Variants in SIRPA observed in about 807,000 individuals in gnomAD.
SIRPA encodes the protein tyrosine-protein phosphatase non-receptor type substrate 1.
A neutral mutation model predicts 50.3 loss-of-function variants in SIRPA; 9 were observed. The ratio of observed to expected loss-of-function variants is 0.18; its 90% CI spans 0.11 to 0.31. The LOEUF is 0.31. Ranked by LOEUF, SIRPA falls within the 10% of genes least tolerant of loss-of-function variation. SIRPA has a pLI of 1.00. For missense variants in SIRPA, 474 were observed against 661.6 expected (o/e 0.72, Z 3.11); for synonymous variants, 265 against 284.1 (o/e 0.93, Z 0.68).
At chr20:1,905,330 T>C (rs895249596) in intron 1 of SIRPA, among the ~76,000 whole-genome samples, 5 of 152,106 alleles carry the variant, frequency 3.3e-5, no homozygotes, top group Admixed American at 6.5e-5. Context: ...GGCGATCGCA[T>C]GGGGTGGCTC....
At chr20:1,905,939 G>A (rs1984518937) in intron 1 of SIRPA, among the ~76,000 whole-genome samples, 2 of 152,174 alleles carry the variant, frequency 1.3e-5, no homozygotes, top group African/African-American at 4.8e-5. Context: ...ATGCCAGAGG[G>A]GCCTCATGCA....
rs1986743358 is a variant in SIRPA at position 1,938,916 on chromosome 20, GC to G, written c.*1353del. 6.5e-6 allele frequency: 1 copy of G among 152,680 alleles called. No homozygotes were observed. The highest frequency in any genetic ancestry group is 6.5e-5 in the Admixed American group (1 of 15,290). The allele number at this position is 152,680 out of a possible 1,614,324, so 9.5% of individuals were successfully genotyped here. A position where few individuals can be genotyped will look rare whatever the true frequency, so the allele number is the denominator to read the frequency against. On this transcript the variant is annotated 3_prime_UTR_variant, in exon 8 of 8. Transcript: ENST00000358771. Reference sequence around the variant, plus strand: ...CGTCTATCCTACCCCTTTAGTGACCGCCCCCATCCCGGCTTTCTGAGCTGAT... The same window carrying G: ...CGTCTATCCTACCCCTTTAGTGACCGCCCCATCCCGGCTTTCTGAGCTGAT...
At position 1,921,659 on chromosome 20, in the gene SIRPA, C is replaced by T. The variant is rs748980816; in HGVS notation, c.701C>T (p.Thr234Ile). The change falls in exon 3 of 8, where the codon ACC (threonine) becomes ATC (isoleucine). Residue 234 changes from threonine (T) to isoleucine (I), a missense_variant. By Grantham distance (89) the Thr-to-Ile change is moderately conservative. This residue lies in a region of SIRPA where 221 missense variants were observed against 359.9 expected (regional missense o/e 0.61). Coordinates refer to ENST00000358771, the MANE Select transcript of SIRPA (RefSeq NM_001040023.2). ...GTCATCTGCGAGGTGGCCCACGTCA[C>T]CTTGCAGGGGGACCCTCTTCGTGGG... ...SQVICEVAHV[T>I]LQGDPLRGTA... is the part of the protein sequence containing the mutation. 7 of 1,614,068 alleles carry T rather than the reference C, an allele frequency of 4.3e-6. No individual in the cohort carries two copies. The highest frequency in any genetic ancestry group is 1.7e-6 in the Non-Finnish European group (2 of 1,180,028).
At chr20:1,914,107 T>A (rs1480292339) in intron 1 of SIRPA, among the ~76,000 whole-genome samples, 2 of 152,218 alleles carry the variant, frequency 1.3e-5, no homozygotes, top group Non-Finnish European at 2.9e-5. Flanking sequence ...CACAGCCACC[T>A]CCTTGTTTAT....
chr20:1,929,269 T>C (rs1365260796), intron 6 of SIRPA, among the ~76,000 whole-genome samples: 2 of 152,050 alleles, frequency 1.3e-5, no homozygotes, highest in Non-Finnish European at 2.9e-5. Flanking sequence ...GATGTGTAGG[T>C]GACCATAGCG....
chr20:1,894,528 G>A (rs1472630323), upstream of SIRPA: 1 of 151,938 alleles, frequency 6.6e-6, no homozygotes, highest in African/African-American at 2.4e-5. This position sits in a 1 kb window ranked among gnomAD's most constrained non-coding sequence, Gnocchi z 4.0. Flanking sequence ...GTCCGGGCCC[G>A]GCAGGGACGG....
rs550759178 is a variant in SIRPA at position 1,900,712 on chromosome 20, G to C, written c.79+5186G>C. Among the ~76,000 whole-genome samples, 116 of 152,366 alleles carry C rather than the reference G, an allele frequency of 7.6e-4. 1 individual carries two copies. Among genetic ancestry groups the C allele is most frequent in the African/African-American group, 2.7e-3 (114 of 41,584 alleles). ...CAAGCCTCCTGTGGTCCAGGCCAAG[G>C]CTTTTAAAAACTGGGCTGTGCTGGA... On this transcript the variant is annotated intron_variant, in intron 1 of 7. Transcript: ENST00000358771.
At chr20:1,908,012 C>T (rs2123038602) in intron 1 of SIRPA, among the ~76,000 whole-genome samples, 1 of 152,294 alleles carries the variant, frequency 6.6e-6, no homozygotes, top group Middle Eastern at 3.4e-3. Context: ...TGCCCTGTGG[C>T]CAGCACATAG....
chr20:1,902,495 A>G (rs76009177), intron 1 of SIRPA, among the ~76,000 whole-genome samples: 1,589 of 152,314 alleles, frequency 0.01, 28 homozygotes, highest in African/African-American at 0.036. Context: ...TTGAGCACCT[A>G]CTATGTGCCA....
chr20:1,895,566 C>T, intron 1 of SIRPA, 40 bp downstream of exon 1: 1 of 1,370,688 alleles, frequency 7.3e-7, no homozygotes. Flanking sequence ...ACTCCCCAAA[C>T]TGCGGGCTCA....
chr20:1,937,110 C>T lies in SIRPA; in HGVS notation c.1267-210C>T, dbSNP rs1986618795. Among the ~76,000 whole-genome samples, 1 of 147,424 alleles carries T rather than the reference C, an allele frequency of 6.8e-6. No homozygotes were observed. The highest frequency in any genetic ancestry group is 6.6e-5 in the Admixed American group (1 of 15,060). Reference sequence around the variant, plus strand: ...CACTGTGCGGGTCAGAAAGACCCTTCAGGCAGGGTGAGGAGGAGGGCAGAT... The same window carrying T: ...CACTGTGCGGGTCAGAAAGACCCTTTAGGCAGGGTGAGGAGGAGGGCAGAT... On this transcript the variant is annotated intron_variant, in intron 7 of 7. Transcript: ENST00000358771. This position sits in a 1 kb window ranked among gnomAD's most constrained non-coding sequence, Gnocchi z 8.3.
intron 1 of SIRPA, among the ~76,000 whole-genome samples, chr20:1,908,403 C>T (rs1984677462): frequency 6.6e-6 from 1 of 152,032 alleles, no homozygotes; most frequent in South Asian, 2.1e-4. Context: ...GTGCATGCCG[C>T]TCCTGCATCA....
Position 1,938,807 on chromosome 20 carries a change from G to A in SIRPA, c.*1239G>A, listed in dbSNP as rs569787357. ...GCCTCAGTCTGCTCATCCGTAAAGT[G>A]GGGATAGTGAAGATGACACCCCTCC... On this transcript the variant is annotated 3_prime_UTR_variant, in exon 8 of 8. Coordinates refer to ENST00000358771, the MANE Select transcript of SIRPA (RefSeq NM_001040023.2). The A allele has an allele frequency of 6.5e-6, 1 of 152,758 alleles. No individual in the cohort carries two copies. Among genetic ancestry groups the A allele is most frequent in the South Asian group, 2.1e-4 (1 of 4,834 alleles). 9.5% of individuals were successfully genotyped at this position (152,758 alleles called of 1,614,324 possible). A position where few individuals can be genotyped will look rare whatever the true frequency, so the allele number is the denominator to read the frequency against.
At position 1,916,712 on chromosome 20, in the gene SIRPA, T is replaced by C. The variant is rs142989040; in HGVS notation, c.436+1257T>C. On this transcript the variant is annotated intron_variant, in intron 2 of 7. Transcript: ENST00000358771. ...CTCCAGCTTATGGAAATACCAGATT[T>C]ATTTTACCATCTTCCATTGATGGAT... Among the ~76,000 whole-genome samples, 305 of 152,348 alleles carry C rather than the reference T, an allele frequency of 2.0e-3. 1 individual carries two copies. The highest frequency in any genetic ancestry group is 6.8e-3 in the Middle Eastern group (2 of 294).
rs1420255308 is a variant in SIRPA at position 1,933,514 on chromosome 20, T to C, written c.1227-1201T>C. Among the ~76,000 whole-genome samples, 1 of 151,006 alleles carries C rather than the reference T, an allele frequency of 6.6e-6. No homozygotes were observed. The highest frequency in any genetic ancestry group is 2.4e-5 in the African/African-American group (1 of 40,942). ...GTGGGACTCTGAGCAGGGCGATGAG[T>C]TGGACTTGAACCAGCCAGCCAGTGG... On this transcript the variant is annotated intron_variant, in intron 6 of 7. Transcript: ENST00000358771. The surrounding 1 kb of genome is among the most constrained non-coding windows in gnomAD (Gnocchi z 4.4).
intron 1 of SIRPA, among the ~76,000 whole-genome samples, chr20:1,902,952 C>T (rs1419367132): frequency 7.1e-6 from 1 of 140,550 alleles, no homozygotes; most frequent in East Asian, 2.3e-4. Flanking sequence ...GCAGAGGTTG[C>T]AGTGAGCCGA....
rs1983947520 is a variant in SIRPA at position 1,898,270 on chromosome 20, G to A, written c.79+2744G>A. On this transcript the variant is annotated intron_variant, in intron 1 of 7. Transcript: ENST00000358771. This position sits in a 1 kb window ranked among gnomAD's most constrained non-coding sequence, Gnocchi z 4.3. ...CTCTTTCGTAAGAAGAGAAAACGGG[G>A]CGGGAGTGCTTTGGCTCAACACATC... 6.6e-6 allele frequency among the ~76,000 whole-genome samples: 1 copy of A among 152,202 alleles called. No individual in the cohort carries two copies. The highest frequency in any genetic ancestry group is 2.1e-4 in the South Asian group (1 of 4,834).
At chr20:1,914,650 G>A (rs944273804) in intron 1 of SIRPA, among the ~76,000 whole-genome samples, 22 of 152,170 alleles carry the variant, frequency 1.4e-4, no homozygotes, top group East Asian at 9.7e-4. Flanking sequence ...TGCCCAAACC[G>A]CTGAGTACAG....
At chr20:1,925,301 G>T (rs1013420005) in intron 5 of SIRPA, among the ~76,000 whole-genome samples, 1 of 152,214 alleles carries the variant, frequency 6.6e-6, no homozygotes, top group Non-Finnish European at 1.5e-5. Context: ...AGATAATAGC[G>T]CCACCATTTG....
Sources: gnomAD v4.1 joint callset for allele counts (sites outside exome capture counted in the v4.1 genomes callset) on GRCh38, gnomAD v4.1.1 for gene constraint, gnomAD v4.1.1 regional missense constraint, Gnocchi (gnomAD v3.1) non-coding constraint, MANE v1.5 for transcripts, NCBI Gene and HGNC (gene_info 2026-07-23, HGNC 2026-07-21) for gene names.